POLR3G: variants seen among roughly 807,000 people sequenced by gnomAD.
POLR3G encodes the protein DNA-directed RNA polymerase III subunit RPC7.
A neutral mutation model predicts 30.1 loss-of-function variants in POLR3G; 28 were observed. That is an observed-to-expected ratio of 0.93 (90% CI 0.69 to 1.27). The LOEUF (loss-of-function observed/expected upper bound fraction) is 1.27. Ranked by LOEUF, POLR3G falls within the 50% of genes most tolerant of loss-of-function variation. The pLI, the probability that POLR3G is intolerant of heterozygous loss-of-function variation, is 0.00. For missense variants in POLR3G, 254 were observed against 264.6 expected, an observed-to-expected ratio of 0.96 and a Z score of 0.28; for synonymous variants, 79 against 82.5, an observed-to-expected ratio of 0.96 and a Z score of 0.23.
At chr5:90,490,590 T>TTTTTG in intron 3 of POLR3G, 4 of 383,412 alleles carry the variant, frequency 1.0e-5, no homozygotes, top group East Asian at 8.5e-5. Context: ...TTTTTTTTTG[T>TTTTTG]AGAGACGGGA....
intron 4 of POLR3G, among the ~76,000 whole-genome samples, chr5:90,497,176 TTTTTAA>T (rs1221374005): frequency 2.0e-5 from 3 of 152,182 alleles, no homozygotes; most frequent in African/African-American, 4.8e-5. Context: ...GCTATTTATA[TTTTTAA>T]TTTTAAAGTT....
intron 5 of POLR3G, among the ~76,000 whole-genome samples, chr5:90,500,907 G>A (rs1752214747): frequency 6.6e-6 from 1 of 152,096 alleles, no homozygotes; most frequent in African/African-American, 2.4e-5. Flanking sequence ...TGACCACAAT[G>A]GGACAATTTT....
intron 1 of POLR3G, 41 bp downstream of exon 1, chr5:90,475,061 G>C (rs1376932971): frequency 6.6e-6 from 1 of 152,302 alleles, no homozygotes; most frequent in Non-Finnish European, 1.5e-5. Context: ...GGGGTGGTGA[G>C]GGTAGAGGGG....
intron 5 of POLR3G, among the ~76,000 whole-genome samples, chr5:90,499,899 TA>T: frequency 6.6e-6 from 1 of 152,198 alleles, no homozygotes. Context: ...CGTTGGTTTT[TA>T]TTGGGCAAAT....
At chr5:90,488,399 C>T (rs1751557734) in intron 3 of POLR3G, among the ~76,000 whole-genome samples, 1 of 152,014 alleles carries the variant, frequency 6.6e-6, no homozygotes, top group Non-Finnish European at 1.5e-5. Flanking sequence ...ATTACCCATT[C>T]TTATGTCTAG....
chr5:90,476,895 C>T (rs914679458), intron 1 of POLR3G, among the ~76,000 whole-genome samples: 1 of 152,136 alleles, frequency 6.6e-6, no homozygotes, highest in Admixed American at 6.5e-5. Context: ...TTTTTCTTAT[C>T]ATTTCCTGAC....
At chr5:90,474,379 G>T, upstream of POLR3G, 1 of 1,263,124 alleles carries the variant, frequency 7.9e-7, no homozygotes, top group Non-Finnish European at 1.1e-6. Flanking sequence ...GCGGCTGTGT[G>T]AAGCGGTCTG....
At chr5:90,504,575 A>G (rs1403916748) in intron 6 of POLR3G, among the ~76,000 whole-genome samples, 1 of 151,944 alleles carries the variant, frequency 6.6e-6, no homozygotes, top group Non-Finnish European at 1.5e-5. Context: ...AAAAAAAAAA[A>G]GTACTTTTAC....
Position 90,512,199 on chromosome 5 carries a change from G to T in POLR3G, c.*60G>T. The T allele has an allele frequency of 1.9e-6, 2 of 1,038,904 alleles. No individual in the cohort carries two copies. Among genetic ancestry groups the T allele is most frequent in the African/African-American group, 1.6e-5 (1 of 63,070 alleles). 64.4% of individuals were successfully genotyped at this position (1,038,904 alleles called of 1,614,324 possible). A position where few individuals can be genotyped will look rare whatever the true frequency, so the allele number is the denominator to read the frequency against. ...AGCTTCTGAACATTTGGACAGACTT[G>T]ATTTGTATTTTATTTCTGATAAGGA... On this transcript the variant is annotated 3_prime_UTR_variant, in exon 8 of 8. Transcript: ENST00000651687.
chr5:90,480,226 A>G (rs2914672), intron 1 of POLR3G, among the ~76,000 whole-genome samples: 121,510 of 152,096 alleles, frequency 0.8, 49,029 homozygotes, highest in African/African-American at 0.91. Flanking sequence ...AAGGAATGAG[A>G]CAGTGGTTAA....
At chr5:90,478,586 T>TTTTTTTTTTTTTTTTTTTTGG (rs70999487) in intron 1 of POLR3G, among the ~76,000 whole-genome samples, 1 of 146,924 alleles carries the variant, frequency 6.8e-6, no homozygotes, top group African/African-American at 2.5e-5. Flanking sequence ...TTTTTTTTTT[T>TTTTTTTTTTTTTTTTTTTTGG]GAGAGGGAGC....
chr5:90,474,278 C>T (rs148053672), upstream of POLR3G: 2 of 1,613,270 alleles, frequency 1.2e-6, no homozygotes, highest in Non-Finnish European at 1.7e-6. Flanking sequence ...GGGCGTACCA[C>T]TCGAGCGCCG....
At chr5:90,485,485 C>T in intron 1 of POLR3G, 40 bp from the exon 2 acceptor site, 1 of 1,002,516 alleles carries the variant, frequency 1.0e-6, no homozygotes, top group Non-Finnish European at 1.5e-6. Context: ...GTGTTGATTT[C>T]TTTTTTATAT....
intron 7 of POLR3G, 119 bp downstream of exon 7, chr5:90,506,793 A>G (rs1752508223): frequency 1.5e-6 from 2 of 1,350,370 alleles, no homozygotes; most frequent in African/African-American, 3.0e-5. Flanking sequence ...CCAGAAGTAT[A>G]TTATTATCAA....
rs1229901270 is a variant in POLR3G at position 90,485,580 on chromosome 5, A to G, written c.13A>G (p.Lys5Glu). MAGN[K>E]GRGRAAYTFN... ...ATAACTGGTTCTGATGGCTGGGAAT[A>G]AAGGAAGAGGACGTGCTGCTTATAC... Residue 5 changes from lysine (K) to glutamate (E), a missense_variant, in exon 2 of 8, where the codon AAA (lysine) becomes GAA (glutamate). Lys to Glu is a moderately conservative substitution (Grantham distance 56). Coordinates refer to ENST00000651687, the MANE Select transcript of POLR3G (RefSeq NM_006467.3). The G allele has an allele frequency of 1.2e-6, 2 of 1,612,848 alleles. No individual in the cohort carries two copies. The highest frequency in any genetic ancestry group is 2.2e-5 in the East Asian group (1 of 44,850).
chr5:90,485,443 T>A, intron 1 of POLR3G, 82 bp from the exon 2 acceptor site: 1 of 692,850 alleles, frequency 1.4e-6, no homozygotes, highest in Non-Finnish European at 2.5e-6. Context: ...ACTGTGCTAC[T>A]TAAGGGGTGC....
At chr5:90,478,650 G>A (rs1049618539) in intron 1 of POLR3G, among the ~76,000 whole-genome samples, 5 of 134,014 alleles carry the variant, frequency 3.7e-5, no homozygotes, top group Admixed American at 9.3e-5. Flanking sequence ...TCCACCTCCC[G>A]GGTTCAAGTG....
chr5:90,512,876 A>G lies in POLR3G; in HGVS notation c.*737A>G, dbSNP rs1192769496. The G allele has an allele frequency of 6.6e-6, 1 of 152,170 alleles. No individual in the cohort carries two copies. The highest frequency in any genetic ancestry group is 1.5e-5 in the Non-Finnish European group (1 of 67,976). The allele number at this position is 152,170 out of a possible 1,614,324, so 9.4% of individuals were successfully genotyped here. A position where few individuals can be genotyped will look rare whatever the true frequency, so the allele number is the denominator to read the frequency against. ...TCTTCAAATAGTTGGGCTTATGAAA[A>G]ATTTGACTAAGACATTTTATTTTAT... is the stretch of plus-strand genomic sequence containing the variant. On this transcript the variant is annotated 3_prime_UTR_variant, in exon 8 of 8. Coordinates refer to ENST00000651687, the MANE Select transcript of POLR3G (RefSeq NM_006467.3).
chr5:90,513,550 A>C lies in POLR3G; in HGVS notation c.*1411A>C, dbSNP rs1474034881. ...TTTTAAGAAACATGTTTTCCTCACA[A>C]AATATATTGTAATCTGATTTTCCTA... On this transcript the variant is annotated 3_prime_UTR_variant, in exon 8 of 8. Transcript: ENST00000651687. 6.6e-6 allele frequency: 1 copy of C among 152,534 alleles called. No individual in the cohort carries two copies. Among genetic ancestry groups the C allele is most frequent in the African/African-American group, 2.4e-5 (1 of 41,458 alleles). 9.4% of individuals were successfully genotyped at this position (152,534 alleles called of 1,614,324 possible).
Sources: allele counts gnomAD v4.1 joint callset (sites outside exome capture counted in the v4.1 genomes callset), GRCh38; gene constraint gnomAD v4.1.1; transcripts MANE v1.5; gene names NCBI Gene and HGNC (gene_info 2026-07-23, HGNC 2026-07-21).